BEND2: variants seen among roughly 807,000 people sequenced by gnomAD.
BEND2 encodes BEN domain containing 2, also known as BEN domain-containing protein 2.
BEND2 carries 19 observed loss-of-function variants against 43.8 expected under a neutral mutation model. That is an observed-to-expected ratio of 0.43 (90% CI 0.30 to 0.64). The LOEUF is 0.64. Among genes scored for constraint, BEND2 ranks in the 30% least tolerant of loss-of-function variants. BEND2 has a pLI of 0.11. For synonymous variants in BEND2, 226 were observed against 210.1 expected (o/e 1.08, Z -0.66); for missense variants, 544 against 574.0 (o/e 0.95, Z 0.53).
At chrX:18,216,339 G>C (rs1200077605) in intron 2 of BEND2, among the ~76,000 whole-genome samples, 182 bp downstream of exon 2, 1 of 110,508 alleles carries the variant, frequency 9.0e-6, no homozygotes, top group Non-Finnish European at 1.9e-5. Flanking sequence ...GAACAAAGGA[G>C]ACATGGCAAA....
chrX:18,174,419 G>C (rs1369614206), intron 11 of BEND2, among the ~76,000 whole-genome samples, 161 bp from the exon 12 acceptor site: 2 of 112,088 alleles, frequency 1.8e-5, no homozygotes, highest in Non-Finnish European at 3.8e-5. Context: ...ATACTATCTG[G>C]AAAGAAGGAA....
At chrX:18,198,631 G>A (rs1446621542) in intron 6 of BEND2, among the ~76,000 whole-genome samples, 1 of 111,523 alleles carries the variant, frequency 9.0e-6, no homozygotes, top group Non-Finnish European at 1.9e-5. Context: ...AACCCTTGTG[G>A]AAGTCAGGGT....
intron 1 of BEND2, among the ~76,000 whole-genome samples, chrX:18,219,944 A>C (rs866906466): frequency 9.0e-6 from 1 of 111,131 alleles, no homozygotes. Context: ...GCAAAAACAA[A>C]AACAAAAAAC....
rs749885819 is a variant in BEND2 at position 18,211,941 on chromosome X, T to A, written c.492+624A>T. ...ACCCAAAACAGTACATACTGTACAGTTCTATTTATGTGAAGTTCTAGAACA... is the reference window on the plus strand; with the variant it reads ...ACCCAAAACAGTACATACTGTACAGATCTATTTATGTGAAGTTCTAGAACA... On this transcript the variant is annotated intron_variant, in intron 4 of 13. Coordinates refer to ENST00000380033, the MANE Select transcript of BEND2 (RefSeq NM_153346.5). Among the ~76,000 whole-genome samples, 8 of 109,686 alleles carry A rather than the reference T, an allele frequency of 7.3e-5. No homozygotes were observed. The South Asian group carries it at 3.2e-3, about 44-fold the overall frequency.
At chrX:18,219,931 C>A (rs868104000) in intron 1 of BEND2, among the ~76,000 whole-genome samples, 1 of 101,846 alleles carries the variant, frequency 9.8e-6, no homozygotes, top group Non-Finnish European at 2.0e-5. Context: ...AAAACAAAAC[C>A]AAGCAAAAAC....
chrX:18,166,580 T>C (rs1301723850), intron 13 of BEND2, among the ~76,000 whole-genome samples: 1 of 111,258 alleles, frequency 9.0e-6, no homozygotes, highest in East Asian at 2.8e-4. Context: ...GGGTCAGGAC[T>C]GGGAGATTTA....
chrX:18,167,755 G>A (rs930928769), intron 13 of BEND2, among the ~76,000 whole-genome samples: 2 of 111,126 alleles, frequency 1.8e-5, no homozygotes, highest in Non-Finnish European at 3.8e-5. Context: ...TGTAGAGACA[G>A]GGTTTCGCCA....
intron 1 of BEND2, among the ~76,000 whole-genome samples, chrX:18,217,037 A>C (rs929882703): frequency 1.8e-5 from 2 of 112,774 alleles, no homozygotes; most frequent in Non-Finnish European, 3.7e-5. Context: ...CCCATGCCAC[A>C]GTGTTCAATG....
At chrX:18,170,971 T>A (rs961725949) in intron 13 of BEND2, 30 bp downstream of exon 13, 2 of 1,207,290 alleles carry the variant, frequency 1.7e-6, no homozygotes, top group African/African-American at 3.5e-5. Context: ...TGGCTTTTAT[T>A]TATTCAGACA....
At chrX:18,218,096 C>G (rs1357479540) in intron 1 of BEND2, among the ~76,000 whole-genome samples, 1 of 109,468 alleles carries the variant, frequency 9.1e-6, no homozygotes, top group African/African-American at 3.3e-5. Flanking sequence ...AAACGAGACC[C>G]TGTCTCAAAC....
In BEND2 at chrX:18,164,588, A is replaced by C. The variant is rs1455149656; in HGVS notation, c.*421T>G. The C allele has an allele frequency of 8.6e-6, 1 of 115,998 alleles. No homozygotes were observed. Among genetic ancestry groups the C allele is most frequent in the African/African-American group, 3.2e-5 (1 of 31,083 alleles). The allele number at this position is 115,998 out of a possible 1,213,427, so 9.6% of individuals were successfully genotyped here. ...TTCATTCTACAAATTGGTCACATAA[A>C]AATATCTTAAACTATCTCACAAGTC... On this transcript the variant is annotated 3_prime_UTR_variant, in exon 14 of 14. Transcript: ENST00000380033.
chrX:18,172,843 G>A (rs1490868496), intron 12 of BEND2, among the ~76,000 whole-genome samples: 1 of 110,889 alleles, frequency 9.0e-6, no homozygotes, highest in East Asian at 2.8e-4. Context: ...TTAATTAATG[G>A]AATGCTATAA....
At chrX:18,174,354 A>G (rs1924076258) in intron 11 of BEND2, 96 bp from the exon 12 acceptor site, 3 of 741,922 alleles carry the variant, frequency 4.0e-6, no homozygotes, top group Non-Finnish European at 6.0e-6. Flanking sequence ...GTTGCTAGGG[A>G]AGCAACTGAC....
intron 12 of BEND2, among the ~76,000 whole-genome samples, chrX:18,172,659 A>C (rs956887452): frequency 7.3e-5 from 8 of 110,064 alleles, no homozygotes; most frequent in Non-Finnish European, 5.7e-5. Flanking sequence ...GTGCCATTGC[A>C]CTCCAGCCTG....
chrX:18,209,560 C>T (rs946815632), intron 4 of BEND2, among the ~76,000 whole-genome samples: 1 of 112,043 alleles, frequency 8.9e-6, no homozygotes, highest in African/African-American at 3.2e-5. Flanking sequence ...GAGGAGATAA[C>T]ATCACTCATG....
At position 18,188,841 on chromosome X, in the gene BEND2, A is replaced by G. The variant is rs747195029; in HGVS notation, c.1288+2160T>C. On this transcript the variant is annotated intron_variant, in intron 8 of 13. Coordinates refer to ENST00000380033, the MANE Select transcript of BEND2 (RefSeq NM_153346.5). Reference sequence around the variant, plus strand: ...ATCAAAAAAAGAAAACCACAGGCCAATATCTCTGATAAATACTGATGCAAA... The same window carrying G: ...ATCAAAAAAAGAAAACCACAGGCCAGTATCTCTGATAAATACTGATGCAAA... Among the ~76,000 whole-genome samples, 200 of 112,206 alleles carry G rather than the reference A, an allele frequency of 1.8e-3. 1 individual carries two copies. Among genetic ancestry groups the G allele is most frequent in the African/African-American group, 6.1e-3 (190 of 30,921 alleles).
At position 18,170,994 on chromosome X, in the gene BEND2, A is replaced by G. The variant is rs376160811; in HGVS notation, c.2185+7T>C. The G allele has an allele frequency of 8.3e-7, 1 of 1,208,668 alleles. No individual in the cohort carries two copies. Among genetic ancestry groups the G allele is most frequent in the Non-Finnish European group, 1.1e-6 (1 of 892,294 alleles). The stretch of plus-strand genomic sequence containing the variant: ...ATTTATTCAGACATACTCTATGTGT[A>G]ACAAACCTCGGAGAGCACTAATCTT... On this transcript the variant is annotated splice_region_variant and intron_variant, in intron 13 of 13. Transcript: ENST00000380033.
chrX:18,213,961 C>T (rs1925592396), intron 2 of BEND2, 50 bp from the exon 3 acceptor site: 1 of 111,971 alleles, frequency 8.9e-6, no homozygotes, highest in South Asian at 3.7e-4. Flanking sequence ...AATAAGATAC[C>T]TCCAAACTGA....
chrX:18,181,552 A>T (rs1338823720), intron 8 of BEND2, among the ~76,000 whole-genome samples: 2 of 112,063 alleles, frequency 1.8e-5, no homozygotes, highest in African/African-American at 6.5e-5. Context: ...TCTAAATCAT[A>T]TGGAATGACT....
Sources: allele counts gnomAD v4.1 joint callset (sites outside exome capture counted in the v4.1 genomes callset), GRCh38; gene constraint gnomAD v4.1.1; transcripts MANE v1.5; gene names NCBI Gene and HGNC (gene_info 2026-07-23, HGNC 2026-07-21).